Variants in SYNDIG1 observed in about 807,000 individuals in gnomAD.
SYNDIG1 encodes the protein synapse differentiation-inducing gene protein 1.
A neutral mutation model predicts 19.4 loss-of-function variants in SYNDIG1; 9 were observed. The observed-to-expected ratio is 0.46, with a 90% CI of 0.28 to 0.81. The LOEUF (loss-of-function observed/expected upper bound fraction) is 0.81, where lower values mean the gene tolerates loss of function less well. SYNDIG1 is among the 30% of genes least tolerant of loss of function. The pLI is 0.12. For synonymous variants in SYNDIG1, 141 were observed against 145.9 expected, an observed-to-expected ratio of 0.97 and a Z score of 0.24; for missense variants, 311 against 343.3, an observed-to-expected ratio of 0.91 and a Z score of 0.74.
chr20:24,585,026 G>T, intron 3 of SYNDIG1, 33 bp downstream of exon 3: 1 of 1,569,650 alleles, frequency 6.4e-7, no homozygotes. Context: ...CACGTGGTGT[G>T]CAGGTGTTCA....
intron 2 of SYNDIG1, among the ~76,000 whole-genome samples, chr20:24,576,044 G>A (rs2058222888): frequency 6.6e-6 from 1 of 152,108 alleles, no homozygotes; most frequent in African/African-American, 2.4e-5. Flanking sequence ...CTCCTTCAGT[G>A]ACACATGGCA....
intron 1 of SYNDIG1, among the ~76,000 whole-genome samples, chr20:24,478,025 T>C (rs1326612934): frequency 2.0e-5 from 3 of 152,218 alleles, no homozygotes; most frequent in African/African-American, 7.2e-5. Context: ...GCATCCTCTC[T>C]TGGTAGAACC....
intron 2 of SYNDIG1, among the ~76,000 whole-genome samples, chr20:24,553,872 G>T (rs981584650): frequency 7.9e-5 from 12 of 152,154 alleles, no homozygotes; most frequent in Non-Finnish European, 1.8e-4. Context: ...TGATGGAGAT[G>T]CCATTGAATC....
rs546861188 is a variant in SYNDIG1 at position 24,517,058 on chromosome 20, A to G, written c.-78-25962A>G. Among the ~76,000 whole-genome samples, 19 of 152,212 alleles carry G rather than the reference A, an allele frequency of 1.2e-4. No homozygotes were observed. The South Asian group carries it at 3.9e-3, about 32-fold the overall frequency. The stretch of plus-strand genomic sequence containing the variant: ...CAGCAAACTATCGCAAGAACAAAAA[A>G]CCAAACACCGCATGTTCTCAATCAT... On this transcript the variant is annotated intron_variant, in intron 1 of 3. Coordinates refer to ENST00000376862, the MANE Select transcript of SYNDIG1 (RefSeq NM_024893.3).
intron 2 of SYNDIG1, among the ~76,000 whole-genome samples, chr20:24,579,403 C>T (rs1214486243): frequency 6.6e-6 from 1 of 152,222 alleles, no homozygotes; most frequent in African/African-American, 2.4e-5. Context: ...TGGTTGGATG[C>T]AGCCTTTATT....
chr20:24,574,484 G>C (rs1177971894), intron 2 of SYNDIG1, among the ~76,000 whole-genome samples: 2 of 151,834 alleles, frequency 1.3e-5, no homozygotes, highest in Non-Finnish European at 2.9e-5. Context: ...GCTAGGCTCT[G>C]TCTCTAAAAT....
In SYNDIG1 at chr20:24,619,426, A is replaced by T. The variant is rs540879009; in HGVS notation, c.618+34433A>T. On this transcript the variant is annotated intron_variant, in intron 3 of 3. Transcript: ENST00000376862. ...ATGTTGCTGTTATGAAAGGAGCTGG[A>T]GGGTAGCCAATCACTTGTACAACAC... 2.0e-5 allele frequency among the ~76,000 whole-genome samples: 3 copies of T among 152,322 alleles called. No individual in the cohort carries two copies. In the South Asian group the frequency reaches 6.2e-4, roughly 32 times the overall value.
chr20:24,612,792 G>A (rs2058870114), intron 3 of SYNDIG1, among the ~76,000 whole-genome samples: 1 of 152,178 alleles, frequency 6.6e-6, no homozygotes, highest in African/African-American at 2.4e-5. Context: ...AGAGGCTCCT[G>A]GATCTAGAAA....
chr20:24,496,315 T>A (rs980352235), intron 1 of SYNDIG1, among the ~76,000 whole-genome samples: 11 of 152,204 alleles, frequency 7.2e-5, no homozygotes, highest in African/African-American at 2.4e-4. Flanking sequence ...TTGAGAAGTG[T>A]TGCCGTCTAA....
At chr20:24,576,555 C>T (rs2058230742) in intron 2 of SYNDIG1, among the ~76,000 whole-genome samples, 1 of 152,206 alleles carries the variant, frequency 6.6e-6, no homozygotes, top group Non-Finnish European at 1.5e-5. Flanking sequence ...CTGAGATCTG[C>T]TTTGCCCCTT....
chr20:24,557,593 A>G (rs1257672198), intron 2 of SYNDIG1, among the ~76,000 whole-genome samples: 1 of 152,196 alleles, frequency 6.6e-6, no homozygotes, highest in Admixed American at 6.5e-5. Flanking sequence ...TTGCCTGGGT[A>G]TCAGCAGCGG....
At chr20:24,499,930 G>T (rs983800304) in intron 1 of SYNDIG1, among the ~76,000 whole-genome samples, 7 of 152,162 alleles carry the variant, frequency 4.6e-5, no homozygotes, top group African/African-American at 1.7e-4. Context: ...TAATTTTCAC[G>T]ATTCTAATGC....
chr20:24,581,417 T>C (rs181103488), intron 2 of SYNDIG1, among the ~76,000 whole-genome samples: 1 of 152,176 alleles, frequency 6.6e-6, no homozygotes, highest in Non-Finnish European at 1.5e-5. Flanking sequence ...CTCCCTGAGG[T>C]CAAGGGCTGA....
At chr20:24,495,963 G>A (rs2056293458) in intron 1 of SYNDIG1, among the ~76,000 whole-genome samples, 1 of 152,124 alleles carries the variant, frequency 6.6e-6, no homozygotes, top group Admixed American at 6.5e-5. Flanking sequence ...TCCTGCCTCA[G>A]CCTCCCGAGT....
In SYNDIG1 at chr20:24,485,625, A is replaced by G. The variant is rs149381691; in HGVS notation, c.-79+15872A>G. Among the ~76,000 whole-genome samples the G allele has an allele frequency of 4.7e-3, 709 of 152,320 alleles. 5 individuals carry two copies. Among genetic ancestry groups the G allele is most frequent in the African/African-American group, 0.016 (672 of 41,568 alleles). On this transcript the variant is annotated intron_variant, in intron 1 of 3. Coordinates refer to ENST00000376862, the MANE Select transcript of SYNDIG1 (RefSeq NM_024893.3). ...CTTTTTTTCTTTATTTCGTACAGTA[A>G]TATCTCCTTTAAAGAAAGAGCCCTT...
At chr20:24,644,253 AGAT>A (rs890302827) in intron 3 of SYNDIG1, among the ~76,000 whole-genome samples, 2 of 152,270 alleles carry the variant, frequency 1.3e-5, no homozygotes, top group African/African-American at 4.8e-5. Context: ...TTGCTGACAT[AGAT>A]GATGAGGCAG....
intron 1 of SYNDIG1, among the ~76,000 whole-genome samples, chr20:24,516,346 T>C (rs1401794801): frequency 6.6e-6 from 1 of 152,170 alleles, no homozygotes; most frequent in African/African-American, 2.4e-5. Flanking sequence ...TCTAATTAAA[T>C]TAAAGTGCTT....
At chr20:24,515,677 T>G (rs1440902661) in intron 1 of SYNDIG1, among the ~76,000 whole-genome samples, 2 of 151,736 alleles carry the variant, frequency 1.3e-5, no homozygotes, top group Non-Finnish European at 2.9e-5. Flanking sequence ...CACTGCTCAA[T>G]GAAATAAAAG....
intron 1 of SYNDIG1, among the ~76,000 whole-genome samples, chr20:24,515,034 A>G (rs936003793): frequency 9.2e-5 from 14 of 152,260 alleles, no homozygotes; most frequent in Non-Finnish European, 1.5e-4. Context: ...TACTGGGTAC[A>G]TAACGAAATG....
Sources: allele counts gnomAD v4.1 joint callset (sites outside exome capture counted in the v4.1 genomes callset), GRCh38; gene constraint gnomAD v4.1.1; transcripts MANE v1.5; gene names NCBI Gene and HGNC (gene_info 2026-07-23, HGNC 2026-07-21).